The following GTF2A1 variants were observed in gnomAD, a reference collection of about 807,000 sequenced individuals.
The protein encoded by GTF2A1 is general transcription factor IIA subunit 1.
A neutral mutation model predicts 54.1 loss-of-function variants in GTF2A1; 12 were observed. That is an observed-to-expected ratio of 0.22 (90% CI 0.14 to 0.36). The LOEUF (loss-of-function observed/expected upper bound fraction) is 0.36. Ranked by LOEUF, GTF2A1 falls within the 10% of genes least tolerant of loss-of-function variation. The probability of loss-of-function intolerance (pLI) is 1.00; values close to 1 mark genes in which losing one functional copy is unlikely to be tolerated. For missense variants in GTF2A1, 335 were observed against 442.2 expected (o/e 0.76, Z 2.17); for synonymous variants, 145 against 152.0 (o/e 0.95, Z 0.34).
At chr14:81,194,793 G>A (rs1432386630) in intron 6 of GTF2A1, among the ~76,000 whole-genome samples, 2 of 152,228 alleles carry the variant, frequency 1.3e-5, no homozygotes, top group African/African-American at 4.8e-5. Flanking sequence ...AAACCATGTT[G>A]AGTTGTTTAG....
chr14:81,215,104 A>T (rs1173862739), intron 2 of GTF2A1, among the ~76,000 whole-genome samples: 1 of 152,242 alleles, frequency 6.6e-6, no homozygotes, highest in Non-Finnish European at 1.5e-5. Context: ...TATGCATTGG[A>T]TATTCAGAAA....
At chr14:81,187,005 G>T (rs1892763543) in intron 7 of GTF2A1, among the ~76,000 whole-genome samples, 1 of 151,840 alleles carries the variant, frequency 6.6e-6, no homozygotes, top group African/African-American at 2.4e-5. Flanking sequence ...ACTTACACAG[G>T]TGTGTATGTA....
At position 81,177,541 on chromosome 14, in the gene GTF2A1, GTTAAT is replaced by G. The variant is rs776381080; in HGVS notation, c.*2677_*2681del. ...ATTTTCCTTAGCACTGTTGATTAATGTTAATTTAAGTAAAAGGTGCCATCGCCATC... is the reference window on the plus strand; with the variant it reads ...ATTTTCCTTAGCACTGTTGATTAATGTTAAGTAAAAGGTGCCATCGCCATC... On this transcript the variant is annotated 3_prime_UTR_variant, in exon 9 of 9. Coordinates refer to ENST00000553612, the MANE Select transcript of GTF2A1 (RefSeq NM_015859.4). 5.3e-5 allele frequency: 8 copies of G among 152,214 alleles called. No individual in the cohort carries two copies. Among genetic ancestry groups the G allele is most frequent in the East Asian group, 1.9e-4 (1 of 5,192 alleles). 9.4% of individuals were successfully genotyped at this position (152,214 alleles called of 1,614,324 possible).
intron 3 of GTF2A1, chr14:81,202,790 A>G (rs1243878474): frequency 1.9e-6 from 1 of 517,670 alleles, no homozygotes; most frequent in Non-Finnish European, 3.9e-6. Context: ...TGATGACCTA[A>G]AATCCTAATG....
intron 1 of GTF2A1, among the ~76,000 whole-genome samples, chr14:81,216,981 T>C (rs1364724658): frequency 6.6e-6 from 1 of 152,208 alleles, no homozygotes; most frequent in East Asian, 1.9e-4. Context: ...AAAAATCACC[T>C]AACTTCTGTT....
chr14:81,204,346 A>G (rs1055936357), intron 2 of GTF2A1: 34 of 627,798 alleles, frequency 5.4e-5, no homozygotes, highest in Non-Finnish European at 9.1e-5. Context: ...TTATCTTCCA[A>G]TGAACTTTCT....
intron 3 of GTF2A1, chr14:81,202,923 A>G: frequency 2.5e-6 from 1 of 393,690 alleles, no homozygotes; most frequent in Non-Finnish European, 4.9e-6. Flanking sequence ...CAGTAAAATA[A>G]CCCAAATACT....
At chr14:81,197,688 TACA>T (rs781564344) in intron 4 of GTF2A1, among the ~76,000 whole-genome samples, 2 of 152,196 alleles carry the variant, frequency 1.3e-5, no homozygotes, top group Non-Finnish European at 2.9e-5. Flanking sequence ...AGCAGTTAAA[TACA>T]ACAATATAAT....
intron 4 of GTF2A1, among the ~76,000 whole-genome samples, chr14:81,199,882 G>A (rs1893066462): frequency 6.6e-6 from 1 of 151,804 alleles, no homozygotes; most frequent in Non-Finnish European, 1.5e-5. Flanking sequence ...TTAAAATAAT[G>A]TGAGTTATTC....
At chr14:81,192,964 A>G (rs1233463198) in intron 6 of GTF2A1, 125 bp from the exon 7 acceptor site, 1 of 632,518 alleles carries the variant, frequency 1.6e-6, no homozygotes, top group Admixed American at 2.9e-5. Context: ...AAAAACTACC[A>G]AAGTACAAAA....
intron 7 of GTF2A1, among the ~76,000 whole-genome samples, chr14:81,187,354 CA>C (rs112765325): frequency 4.9e-3 from 502 of 103,494 alleles, no homozygotes; most frequent in Middle Eastern, 0.018. Flanking sequence ...AACTCCGTCT[CA>C]AAAAAAAAAA....
intron 4 of GTF2A1, among the ~76,000 whole-genome samples, chr14:81,198,213 C>T (rs1031685073): frequency 2.6e-5 from 4 of 152,116 alleles, no homozygotes; most frequent in Non-Finnish European, 4.4e-5. Context: ...AGGAGGCCCA[C>T]GTGGGCAGAT....
At position 81,178,511 on chromosome 14, in the gene GTF2A1, C is replaced by G. The variant is rs1892574109; in HGVS notation, c.*1712G>C. 6.6e-6 allele frequency: 1 copy of G among 152,050 alleles called. No individual in the cohort carries two copies. The highest frequency in any genetic ancestry group is 1.5e-5 in the Non-Finnish European group (1 of 68,008). 9.4% of individuals were successfully genotyped at this position (152,050 alleles called of 1,614,324 possible). A position where few individuals can be genotyped will look rare whatever the true frequency, so the allele number is the denominator to read the frequency against. Reference sequence around the variant, plus strand: ...ATGGCATCTAAATAAAATCTAACTACTAGCATGCTAGACACCACCATTAAC... The same window carrying G: ...ATGGCATCTAAATAAAATCTAACTAGTAGCATGCTAGACACCACCATTAAC... On this transcript the variant is annotated 3_prime_UTR_variant, in exon 9 of 9. Transcript: ENST00000553612.
intron 7 of GTF2A1, among the ~76,000 whole-genome samples, chr14:81,190,222 T>G (rs1199802230): frequency 1.3e-5 from 2 of 151,708 alleles, no homozygotes; most frequent in South Asian, 2.1e-4. Flanking sequence ...GTATCTGTAG[T>G]GTCATGTTTT....
Position 81,175,844 on chromosome 14 carries a change from C to T in GTF2A1, c.*4379G>A, listed in dbSNP as rs1892515104. 1 of 151,984 alleles carries T rather than the reference C, an allele frequency of 6.6e-6. No homozygotes were observed. The highest frequency in any genetic ancestry group is 1.5e-5 in the Non-Finnish European group (1 of 67,952). The allele number at this position is 151,984 out of a possible 1,614,324, so 9.4% of individuals were successfully genotyped here. A position where few individuals can be genotyped will look rare whatever the true frequency, so the allele number is the denominator to read the frequency against. ...AAGGAGTAATCTTTATTTTGAAAAA[C>T]AATGTTAATTATACCAATTTTTAGT... On this transcript the variant is annotated 3_prime_UTR_variant, in exon 9 of 9. Coordinates refer to ENST00000553612, the MANE Select transcript of GTF2A1 (RefSeq NM_015859.4).
chr14:81,213,183 C>T (rs1029239669), intron 2 of GTF2A1, among the ~76,000 whole-genome samples: 1 of 152,126 alleles, frequency 6.6e-6, no homozygotes, highest in Non-Finnish European at 1.5e-5. Context: ...GCCCAGACAT[C>T]GTGGTAGAAG....
At chr14:81,210,252 T>C (rs951583201) in intron 2 of GTF2A1, among the ~76,000 whole-genome samples, 1 of 152,222 alleles carries the variant, frequency 6.6e-6, no homozygotes, top group African/African-American at 2.4e-5. Flanking sequence ...ACAAATACTT[T>C]GTATTAAGCT....
intron 4 of GTF2A1, among the ~76,000 whole-genome samples, chr14:81,199,520 T>C (rs1208292547): frequency 1.3e-5 from 2 of 152,212 alleles, no homozygotes; most frequent in Non-Finnish European, 2.9e-5. Flanking sequence ...AGAACAAATA[T>C]ATTTTTGCTA....
At chr14:81,210,389 G>A (rs908876735) in intron 2 of GTF2A1, among the ~76,000 whole-genome samples, 3 of 151,974 alleles carry the variant, frequency 2.0e-5, no homozygotes, top group African/African-American at 2.4e-5. Flanking sequence ...CAATGAGGCC[G>A]GGCACGGTGG....
Sources: allele counts gnomAD v4.1 joint callset (sites outside exome capture counted in the v4.1 genomes callset), GRCh38; gene constraint gnomAD v4.1.1; transcripts MANE v1.5; gene names NCBI Gene and HGNC (gene_info 2026-07-23, HGNC 2026-07-21).